NECAB1: variants seen among roughly 807,000 people sequenced by gnomAD.
The protein encoded by NECAB1 is N-terminal EF-hand calcium binding protein 1, also known as N-terminal EF-hand calcium-binding protein 1.
In NECAB1, 29 loss-of-function variants were observed where a neutral mutation model predicts 57.5. That is an observed-to-expected ratio of 0.50 (90% confidence interval 0.38 to 0.69). The LOEUF is 0.69. NECAB1 is among the 30% of genes least tolerant of loss of function. The pLI is 0.00. For synonymous variants in NECAB1, 142 were observed against 147.7 expected, an observed-to-expected ratio of 0.96 and a Z score of 0.28; for missense variants, 372 against 413.8, an observed-to-expected ratio of 0.90 and a Z score of 0.88.
intron 3 of NECAB1, among the ~76,000 whole-genome samples, chr8:90,866,230 C>G (rs1262976879): frequency 2.0e-5 from 3 of 152,148 alleles, no homozygotes; most frequent in African/African-American, 7.2e-5. Context: ...TATAATATTA[C>G]TTTGTAAAAT....
chr8:90,830,594 T>G (rs1179575877), intron 3 of NECAB1, among the ~76,000 whole-genome samples: 1 of 152,042 alleles, frequency 6.6e-6, no homozygotes, highest in East Asian at 1.9e-4. Flanking sequence ...TGGCCATCAG[T>G]AAACTAGCAG....
At chr8:90,873,129 GA>G (rs1808649567) in intron 4 of NECAB1, among the ~76,000 whole-genome samples, 1 of 152,160 alleles carries the variant, frequency 6.6e-6, no homozygotes, top group Non-Finnish European at 1.5e-5. Context: ...TGAACAAAAT[GA>G]GCATAATCTC....
At chr8:90,912,220 G>A (rs922754997) in intron 5 of NECAB1, among the ~76,000 whole-genome samples, 3 of 152,118 alleles carry the variant, frequency 2.0e-5, no homozygotes, top group African/African-American at 7.2e-5. Context: ...TTACTTCCCA[G>A]CAGAATGGGA....
intron 5 of NECAB1, among the ~76,000 whole-genome samples, chr8:90,895,798 T>C (rs1809313547): frequency 6.6e-6 from 1 of 152,214 alleles, no homozygotes; most frequent in Non-Finnish European, 1.5e-5. Context: ...AGAGGAAGTA[T>C]TCCATAGAGA....
chr8:90,818,278 A>T (rs1382110595), intron 2 of NECAB1, among the ~76,000 whole-genome samples: 1 of 151,672 alleles, frequency 6.6e-6, no homozygotes, highest in Admixed American at 6.6e-5. Context: ...TCCTATTTTG[A>T]ATTTCATTGA....
chr8:90,791,821 C>A lies in NECAB1; in HGVS notation c.-66C>A. On this transcript the variant is annotated 5_prime_UTR_variant, in exon 1 of 13. Transcript: ENST00000417640. ...GGCGGCGAAGCAGCAGCTGCGGCCG[C>A]GCCCTTGCCAGAGCCGGTGCGTCCG... 8 of 1,343,936 alleles carry A rather than the reference C, an allele frequency of 6.0e-6. No homozygotes were observed. Among genetic ancestry groups the A allele is most frequent in the Non-Finnish European group, 8.2e-6 (8 of 971,534 alleles). 83.3% of individuals were successfully genotyped at this position (1,343,936 alleles called of 1,614,324 possible). A position where few individuals can be genotyped will look rare whatever the true frequency, so the allele number is the denominator to read the frequency against.
chr8:90,891,425 G>A (rs984571163), intron 5 of NECAB1, among the ~76,000 whole-genome samples: 65 of 151,988 alleles, frequency 4.3e-4, no homozygotes, highest in Admixed American at 4.1e-3. Flanking sequence ...TACATAATAT[G>A]TAGCTATTCT....
At chr8:90,922,203 C>T (rs902772946) in intron 6 of NECAB1, among the ~76,000 whole-genome samples, 5 of 152,230 alleles carry the variant, frequency 3.3e-5, no homozygotes, top group Non-Finnish European at 4.4e-5. Context: ...TTTCTAGGAA[C>T]ACAGTTTTCA....
intron 3 of NECAB1, among the ~76,000 whole-genome samples, chr8:90,828,753 G>C (rs1439063408): frequency 1.3e-5 from 2 of 152,020 alleles, no homozygotes; most frequent in East Asian, 3.9e-4. Flanking sequence ...GTAATTGATT[G>C]AGTGTAGAAC....
intron 5 of NECAB1, among the ~76,000 whole-genome samples, chr8:90,892,960 T>G (rs1353088912): frequency 6.6e-6 from 1 of 152,162 alleles, no homozygotes; most frequent in Non-Finnish European, 1.5e-5. Flanking sequence ...TTCCACCTCG[T>G]GCCAGTCCTT....
At chr8:90,807,633 GC>G (rs1328565019) in intron 2 of NECAB1, among the ~76,000 whole-genome samples, 3 of 152,166 alleles carry the variant, frequency 2.0e-5, no homozygotes, top group African/African-American at 7.2e-5. Context: ...AAGATTAAGG[GC>G]CGGGCCCTAG....
Position 90,795,453 on chromosome 8 carries a change from C to T in NECAB1, c.99+3468C>T, listed in dbSNP as rs150780370. Among the ~76,000 whole-genome samples the T allele has an allele frequency of 1.6e-3, 244 of 152,262 alleles. 2 individuals carry two copies. Among genetic ancestry groups the T allele is most frequent in the African/African-American group, 5.4e-3 (223 of 41,546 alleles). ...TGACTTTACTGCTTGTCTTCCCTTC[C>T]TTCCTTCGTCTAAGCATGCACACTC... is the stretch of plus-strand genomic sequence containing the variant. On this transcript the variant is annotated intron_variant, in intron 1 of 12. Transcript: ENST00000417640.
chr8:90,861,680 T>A (rs1214570221), intron 3 of NECAB1, among the ~76,000 whole-genome samples: 2 of 152,186 alleles, frequency 1.3e-5, no homozygotes, highest in Non-Finnish European at 2.9e-5. Flanking sequence ...CTAAAGACAT[T>A]GAATATATTA....
At chr8:90,800,288 C>T (rs1811739667) in intron 1 of NECAB1, among the ~76,000 whole-genome samples, 1 of 152,118 alleles carries the variant, frequency 6.6e-6, no homozygotes, top group South Asian at 2.1e-4. Context: ...TATTTGGATG[C>T]CTTTTATTTC....
intron 5 of NECAB1, among the ~76,000 whole-genome samples, chr8:90,907,081 T>C (rs1239371603): frequency 2.0e-5 from 3 of 148,838 alleles, no homozygotes; most frequent in Admixed American, 6.8e-5. Context: ...TTTTTAATAA[T>C]GAAAATTTGA....
intron 5 of NECAB1, among the ~76,000 whole-genome samples, chr8:90,889,704 C>T (rs1563519628): frequency 1.3e-5 from 2 of 152,198 alleles, no homozygotes; most frequent in Admixed American, 1.3e-4. Flanking sequence ...CTCCATAGGG[C>T]TGCTCCTATG....
intron 3 of NECAB1, among the ~76,000 whole-genome samples, chr8:90,853,449 T>TC (rs1812726969): frequency 2.0e-5 from 3 of 149,824 alleles, no homozygotes; most frequent in Admixed American, 6.8e-5. Context: ...CCACTCATCC[T>TC]AAACTTGGTT....
chr8:90,916,684 A>G lies in NECAB1; in HGVS notation c.358-808A>G, dbSNP rs541761033. On this transcript the variant is annotated intron_variant, in intron 5 of 12. Transcript: ENST00000417640. ...CCTGTCACCATCTTATTCCACACCA[A>G]CCTGGTTTTTGTTGTTGGTTCTCCC... Among the ~76,000 whole-genome samples the G allele has an allele frequency of 4.6e-5, 7 of 152,164 alleles. No individual in the cohort carries two copies. In the South Asian group the frequency reaches 1.5e-3, roughly 32 times the overall value.
chr8:90,848,325 C>T (rs1432365404), intron 3 of NECAB1, among the ~76,000 whole-genome samples: 2 of 152,160 alleles, frequency 1.3e-5, no homozygotes, highest in Admixed American at 6.5e-5. Context: ...TGAGAAAAGC[C>T]ATTCAACAAC....
Sources: gnomAD v4.1 joint callset for allele counts (sites outside exome capture counted in the v4.1 genomes callset) on GRCh38, gnomAD v4.1.1 for gene constraint, MANE v1.5 for transcripts, NCBI Gene and HGNC (gene_info 2026-07-23, HGNC 2026-07-21) for gene names.